Variants in VGLL4 observed in about 807,000 individuals in gnomAD.
VGLL4 encodes the protein vestigial like family member 4, also known as transcription cofactor vestigial-like protein 4.
VGLL4 carries 7 observed loss-of-function variants against 21.0 expected under a neutral mutation model. The observed-to-expected ratio is 0.33, with a 90% CI of 0.19 to 0.63. VGLL4 has a LOEUF of 0.63. Ranked by LOEUF, VGLL4 falls within the 20% of genes least tolerant of loss-of-function variation. The pLI, the probability that VGLL4 is intolerant of heterozygous loss-of-function variation, is 0.78. For synonymous variants in VGLL4, 222 were observed against 173.2 expected (o/e 1.28, Z -2.21); for missense variants, 394 against 425.7 (o/e 0.93, Z 0.66).
intron 1 of VGLL4, among the ~76,000 whole-genome samples, chr3:11,617,444 G>A (rs931328108): frequency 3.9e-5 from 6 of 152,226 alleles, no homozygotes; most frequent in South Asian, 2.1e-4. Flanking sequence ...GGAGGCTTCC[G>A]TGAGGGGTGC....
chr3:11,631,437 G>C (rs2075475456), intron 1 of VGLL4, among the ~76,000 whole-genome samples: 2 of 152,152 alleles, frequency 1.3e-5, no homozygotes, highest in Middle Eastern at 3.4e-3. Flanking sequence ...TGAGTTTTTT[G>C]TCCTTATCAG....
In VGLL4 at chr3:11,557,115, C is replaced by A. The variant is rs994346642; in HGVS notation, c.*1441G>T. On this transcript the variant is annotated 3_prime_UTR_variant, in exon 5 of 5. Transcript: ENST00000430365. ...AGCCTCTGGTGGGCCAGGTGGGACA[C>A]AGCACACCCCAGGGGGAGGGGATAG... 2 of 152,514 alleles carry A rather than the reference C, an allele frequency of 1.3e-5. No individual in the cohort carries two copies. Among genetic ancestry groups the A allele is most frequent in the African/African-American group, 4.8e-5 (2 of 41,450 alleles). 9.4% of individuals were successfully genotyped at this position (152,514 alleles called of 1,614,324 possible). A position where few individuals can be genotyped will look rare whatever the true frequency, so the allele number is the denominator to read the frequency against.
intron 3 of VGLL4, among the ~76,000 whole-genome samples, chr3:11,562,461 C>G (rs1301444433): frequency 6.6e-6 from 1 of 152,196 alleles, no homozygotes; most frequent in Non-Finnish European, 1.5e-5. Flanking sequence ...CCTGTGGACA[C>G]AGAGCTTTGC....
intron 1 of VGLL4, among the ~76,000 whole-genome samples, chr3:11,716,292 A>G (rs1467488234): frequency 1.3e-5 from 2 of 148,898 alleles, no homozygotes; most frequent in African/African-American, 2.5e-5. Flanking sequence ...ACAAGAGTGA[A>G]ACTCTGTCTC....
At chr3:11,623,434 C>A (rs2075301022) in intron 1 of VGLL4, among the ~76,000 whole-genome samples, 2 of 152,150 alleles carry the variant, frequency 1.3e-5, no homozygotes, top group Admixed American at 1.3e-4. Context: ...TGGGCCTCTA[C>A]ACACATGGGT....
At chr3:11,590,107 C>G (rs1023015102) in intron 2 of VGLL4, among the ~76,000 whole-genome samples, 3 of 152,194 alleles carry the variant, frequency 2.0e-5, no homozygotes, top group Non-Finnish European at 4.4e-5. Context: ...CGAACTTTGA[C>G]CAGGGAACAC....
At chr3:11,660,010 G>C (rs1002382845) in intron 2 of VGLL4, among the ~76,000 whole-genome samples, 2 of 151,846 alleles carry the variant, frequency 1.3e-5, no homozygotes, top group African/African-American at 4.8e-5. Context: ...AAAATATAAA[G>C]AATTAGCCGG....
intron 2 of VGLL4, among the ~76,000 whole-genome samples, chr3:11,584,544 A>G (rs1185738485): frequency 6.6e-6 from 1 of 152,164 alleles, no homozygotes; most frequent in African/African-American, 2.4e-5. Flanking sequence ...GACATGGAAG[A>G]CCTCTGACCC....
chr3:11,641,118 CA>C (rs10547055), intron 1 of VGLL4, among the ~76,000 whole-genome samples: 46,650 of 91,904 alleles, frequency 0.51, 8,687 homozygotes, highest in South Asian at 0.59. Context: ...ACTTCATCAC[CA>C]AAAAAAAAAA....
intron 2 of VGLL4, among the ~76,000 whole-genome samples, chr3:11,582,080 A>G (rs2074243489): frequency 6.6e-6 from 1 of 152,186 alleles, no homozygotes; most frequent in South Asian, 2.1e-4. Context: ...CATGGCACAA[A>G]TCTGATTGGG....
chr3:11,657,166 G>A (rs1420567391), intron 2 of VGLL4, among the ~76,000 whole-genome samples: 2 of 152,136 alleles, frequency 1.3e-5, no homozygotes, highest in African/African-American at 4.8e-5. Flanking sequence ...CTCTAAGCTT[G>A]GATGTCCATC....
intron 2 of VGLL4, among the ~76,000 whole-genome samples, chr3:11,584,687 T>G (rs931597703): frequency 6.6e-6 from 1 of 152,076 alleles, no homozygotes; most frequent in East Asian, 1.9e-4. Context: ...TTCTTTTGGT[T>G]ACAAGCAACA....
intron 2 of VGLL4, among the ~76,000 whole-genome samples, chr3:11,578,370 C>T (rs1411552972): frequency 6.6e-6 from 1 of 152,130 alleles, no homozygotes; most frequent in Non-Finnish European, 1.5e-5. Context: ...GTGGCAGTCT[C>T]CTCCTCCCCA....
At chr3:11,625,789 A>C (rs1245568997) in intron 1 of VGLL4, among the ~76,000 whole-genome samples, 1 of 152,190 alleles carries the variant, frequency 6.6e-6, no homozygotes, top group Non-Finnish European at 1.5e-5. Context: ...AAAGGAATGA[A>C]GTAACAAAAG....
At chr3:11,696,136 T>C (rs907661840) in intron 2 of VGLL4, among the ~76,000 whole-genome samples, 1 of 152,156 alleles carries the variant, frequency 6.6e-6, no homozygotes, top group African/African-American at 2.4e-5. Context: ...AGTACAGTGC[T>C]CTTTCCCTCA....
intron 2 of VGLL4, among the ~76,000 whole-genome samples, chr3:11,587,610 C>T (rs1161687734): frequency 1.3e-5 from 2 of 152,234 alleles, no homozygotes; most frequent in Non-Finnish European, 2.9e-5. Context: ...AGAACTGGTA[C>T]ATACTTGGGC....
chr3:11,664,501 G>C (rs554596778), intron 2 of VGLL4, among the ~76,000 whole-genome samples: 1 of 152,146 alleles, frequency 6.6e-6, no homozygotes, highest in Non-Finnish European at 1.5e-5. Context: ...CCAAAAATTC[G>C]CTACAGTCCT....
At chr3:11,642,559 G>A (rs1163500284) in intron 1 of VGLL4, among the ~76,000 whole-genome samples, 17 of 152,222 alleles carry the variant, frequency 1.1e-4, no homozygotes. Flanking sequence ...CACTCTTCCT[G>A]CCAGGCCGAA....
intron 1 of VGLL4, among the ~76,000 whole-genome samples, chr3:11,635,156 G>A (rs1186738421): frequency 6.6e-6 from 1 of 152,222 alleles, no homozygotes; most frequent in African/African-American, 2.4e-5. Flanking sequence ...GAGGACAGCA[G>A]ATTAAGAGGG....
Sources: gnomAD v4.1 joint callset for allele counts (sites outside exome capture counted in the v4.1 genomes callset) on GRCh38, gnomAD v4.1.1 for gene constraint, MANE v1.5 for transcripts, NCBI Gene and HGNC (gene_info 2026-07-23, HGNC 2026-07-21) for gene names.